The following TIGAR variants were observed in gnomAD, a reference collection of about 807,000 sequenced individuals.
The protein encoded by TIGAR is TP53 induced glycolysis regulatory phosphatase.
TIGAR carries 7 observed loss-of-function variants against 17.9 expected under a neutral mutation model. The ratio of observed to expected loss-of-function variants is 0.39; its 90% confidence interval spans 0.22 to 0.73. The LOEUF is 0.73. Among genes scored for constraint, TIGAR ranks in the 30% least tolerant of loss-of-function variants. TIGAR has a pLI of 0.42. For synonymous variants in TIGAR, 94 were observed against 108.6 expected (o/e 0.87, Z 0.84); for missense variants, 258 against 327.4 (o/e 0.79, Z 1.64).
At chr12:4,350,804 A>G (rs1432048150) in intron 4 of TIGAR, among the ~76,000 whole-genome samples, 1 of 152,024 alleles carries the variant, frequency 6.6e-6, no homozygotes, top group African/African-American at 2.4e-5. Flanking sequence ...AAAAAAAGAA[A>G]TAGATCTCTC....
intron 3 of TIGAR, among the ~76,000 whole-genome samples, chr12:4,346,283 G>A (rs545441117): frequency 1.3e-5 from 2 of 152,020 alleles, no homozygotes; most frequent in African/African-American, 4.8e-5. Flanking sequence ...TATAAATCAT[G>A]TGCTATAAAG....
chr12:4,332,305 C>T (rs547577174), intron 2 of TIGAR, among the ~76,000 whole-genome samples: 7 of 128,988 alleles, frequency 5.4e-5, no homozygotes, highest in East Asian at 2.4e-4. Context: ...TGCAGTGGTG[C>T]GAACTCGGCT....
intron 3 of TIGAR, 87 bp downstream of exon 3, chr12:4,337,247 A>G (rs1864670125): frequency 1.5e-5 from 14 of 953,528 alleles, no homozygotes; most frequent in East Asian, 2.9e-5. Context: ...GTTCACTGCA[A>G]CCTCCATCTC....
chr12:4,349,319 A>T (rs1327647595), intron 3 of TIGAR, among the ~76,000 whole-genome samples: 1 of 152,222 alleles, frequency 6.6e-6, no homozygotes, highest in African/African-American at 2.4e-5. Context: ...GAACTAAAAG[A>T]TAGGTTAGAA....
At chr12:4,334,699 CTCTAGTGTGTG>C (rs746278590) in intron 2 of TIGAR, among the ~76,000 whole-genome samples, 4 of 152,092 alleles carry the variant, frequency 2.6e-5, no homozygotes, top group Non-Finnish European at 5.9e-5. Context: ...TTGAAAAGTC[CTCTAGTGTGTG>C]TAGAGCAGCT....
chr12:4,346,796 A>G (rs2120685399), intron 3 of TIGAR, among the ~76,000 whole-genome samples: 1 of 152,314 alleles, frequency 6.6e-6, no homozygotes, highest in African/African-American at 2.4e-5. Flanking sequence ...AGACATATGA[A>G]AAAGTGCTCA....
intron 1 of TIGAR, among the ~76,000 whole-genome samples, chr12:4,326,120 T>C (rs2120645835): frequency 6.6e-6 from 1 of 152,360 alleles, no homozygotes; most frequent in Non-Finnish European, 1.5e-5. Context: ...AAATGGCTGA[T>C]CCTAAGACTT....
chr12:4,336,985 C>T, intron 2 of TIGAR, 54 bp from the exon 3 acceptor site: 1 of 1,472,218 alleles, frequency 6.8e-7, no homozygotes. Context: ...GTGATTTATA[C>T]ATCTCTGATA....
chr12:4,321,291 C>T lies in TIGAR; in HGVS notation c.20C>T (p.Thr7Ile). Residue 7 changes from threonine (T) to isoleucine (I), a missense_variant, in exon 1 of 6, where the codon ACT (threonine) becomes ATT (isoleucine). Thr to Ile is a moderately conservative substitution (Grantham distance 89). Coordinates refer to ENST00000179259, the MANE Select transcript of TIGAR (RefSeq NM_020375.3). The surrounding 1 kb of genome is among the most constrained non-coding windows in gnomAD (Gnocchi z 5.2). ...GGGAACATGGCTCGCTTCGCTCTGA[C>T]TGTTGTCCGGCAGTGAGTATGGCTG... MARFAL[T>I]VVRHGETRFN... 6.2e-7 allele frequency: 1 copy of T among 1,601,386 alleles called. No homozygotes were observed. Among genetic ancestry groups the T allele is most frequent in the South Asian group, 1.1e-5 (1 of 91,088 alleles).
chr12:4,349,752 C>T, intron 3 of TIGAR, 67 bp from the exon 4 acceptor site: 1 of 1,301,282 alleles, frequency 7.7e-7, no homozygotes, highest in Non-Finnish European at 1.1e-6. Flanking sequence ...GACATAGATT[C>T]TTTCAGTGCT....
intron 3 of TIGAR, among the ~76,000 whole-genome samples, chr12:4,343,035 G>A (rs1428397875): frequency 6.6e-6 from 1 of 152,136 alleles, no homozygotes; most frequent in Non-Finnish European, 1.5e-5. Flanking sequence ...TAAAGGGATG[G>A]AGGAAGATCT....
chr12:4,339,283 A>G (rs1864694454), intron 3 of TIGAR, among the ~76,000 whole-genome samples: 1 of 152,192 alleles, frequency 6.6e-6, no homozygotes, highest in South Asian at 2.1e-4. Context: ...CTATATGCCA[A>G]AAAATTGGAA....
intron 3 of TIGAR, among the ~76,000 whole-genome samples, chr12:4,341,903 TGA>T (rs1864727097): frequency 6.6e-6 from 1 of 152,208 alleles, no homozygotes; most frequent in African/African-American, 2.4e-5. Context: ...TTTGACGAGC[TGA>T]GAGAAGAAAG....
At chr12:4,324,563 T>C (rs758839943) in intron 1 of TIGAR, 5 of 1,606,248 alleles carry the variant, frequency 3.1e-6, no homozygotes, top group Non-Finnish European at 4.2e-6. Flanking sequence ...AGGATGATCA[T>C]GTCCCGCAGG....
chr12:4,359,132 C>T lies in TIGAR; in HGVS notation c.*6441C>T, dbSNP rs528297497. Among the ~76,000 whole-genome samples the T allele has an allele frequency of 2.6e-5, 4 of 151,116 alleles. No homozygotes were observed. The highest frequency in any genetic ancestry group is 1.9e-4 in the East Asian group (1 of 5,160). ...GTTTTTTTTTTCTTTAGCCAACTCACGCCATGACTCTACTTTTGCTTCTAT... is the reference window on the plus strand; with the variant it reads ...GTTTTTTTTTTCTTTAGCCAACTCATGCCATGACTCTACTTTTGCTTCTAT... On this transcript the variant is annotated 3_prime_UTR_variant, in exon 6 of 6. Transcript: ENST00000179259.
At chr12:4,350,533 T>C (rs977465592) in intron 4 of TIGAR, among the ~76,000 whole-genome samples, 5 of 152,170 alleles carry the variant, frequency 3.3e-5, no homozygotes, top group African/African-American at 4.8e-5. Context: ...CCCAGCACTT[T>C]GGGAGGCCAA....
At position 4,321,388 on chromosome 12, in the gene TIGAR, C is replaced by T. The variant is rs1362964156; in HGVS notation, c.32+85C>T. On this transcript the variant is annotated intron_variant, in intron 1 of 5. Coordinates refer to ENST00000179259, the MANE Select transcript of TIGAR (RefSeq NM_020375.3). This position sits in a 1 kb window ranked among gnomAD's most constrained non-coding sequence, Gnocchi z 5.2. ...GTGAAGGGAAAACGGGTCCACCACC[C>T]TCTCCCCTCCCTGCTCGCTCCAGCC... is the stretch of plus-strand genomic sequence containing the variant. 2 of 1,566,250 alleles carry T rather than the reference C, an allele frequency of 1.3e-6. No individual in the cohort carries two copies. The highest frequency in any genetic ancestry group is 1.4e-5 in the African/African-American group (1 of 73,616).
chr12:4,323,672 A>C (rs1168827955), intron 1 of TIGAR, among the ~76,000 whole-genome samples: 2 of 152,200 alleles, frequency 1.3e-5, no homozygotes, highest in Middle Eastern at 3.2e-3. Flanking sequence ...TAATTTGTTA[A>C]AACCCGGTAT....
chr12:4,356,856 C>T lies in TIGAR; in HGVS notation c.*4165C>T, dbSNP rs1343619226. 6.6e-6 allele frequency among the ~76,000 whole-genome samples: 1 copy of T among 152,156 alleles called. No homozygotes were observed. The highest frequency in any genetic ancestry group is 1.5e-5 in the Non-Finnish European group (1 of 68,036). On this transcript the variant is annotated 3_prime_UTR_variant, in exon 6 of 6. Coordinates refer to ENST00000179259, the MANE Select transcript of TIGAR (RefSeq NM_020375.3). Reference sequence around the variant, plus strand: ...CCCAGGCTCGCAGCTTCAAGCAGAGCCTGTCGCTTAGGCTCCCTTGCACCT... The same window carrying T: ...CCCAGGCTCGCAGCTTCAAGCAGAGTCTGTCGCTTAGGCTCCCTTGCACCT...
Sources: allele counts gnomAD v4.1 joint callset (sites outside exome capture counted in the v4.1 genomes callset), GRCh38; gene constraint gnomAD v4.1.1; non-coding constraint Gnocchi (gnomAD v3.1); transcripts MANE v1.5; gene names NCBI Gene and HGNC (gene_info 2026-07-23, HGNC 2026-07-21).